Variants in MCTP2 observed in about 807,000 individuals in gnomAD.
MCTP2 encodes multiple C2 and transmembrane domain containing 2.
In MCTP2, 132 loss-of-function variants were observed where a neutral mutation model predicts 111.6. The observed-to-expected ratio is 1.18, with a 90% CI of 1.03 to 1.37. The LOEUF is 1.37. Ranked by LOEUF, MCTP2 falls within the 40% of genes most tolerant of loss-of-function variation. MCTP2 has a pLI of 0.00. For synonymous variants in MCTP2, 395 were observed against 387.7 expected, an observed-to-expected ratio of 1.02 and a Z score of -0.22; for missense variants, 1,183 against 1,067.9, an observed-to-expected ratio of 1.11 and a Z score of -1.50.
chr15:94,281,766 C>A (rs2074499485), intron 1 of MCTP2, among the ~76,000 whole-genome samples: 1 of 152,128 alleles, frequency 6.6e-6, no homozygotes, highest in South Asian at 2.1e-4. Context: ...TAACATATTC[C>A]CCTAGCATTT....
At chr15:94,413,088 G>A (rs1256303749) in intron 17 of MCTP2, among the ~76,000 whole-genome samples, 2 of 152,208 alleles carry the variant, frequency 1.3e-5, no homozygotes, top group Non-Finnish European at 2.9e-5. Context: ...AAAGGAAAAG[G>A]AAAGAAAAAT....
intron 10 of MCTP2, 94 bp from the exon 11 acceptor site, chr15:94,367,509 TGG>T: frequency 1.0e-6 from 1 of 954,960 alleles, no homozygotes; most frequent in Non-Finnish European, 1.6e-6. Context: ...GAGTGAGTTT[TGG>T]GGGATGATGA....
chr15:94,245,496 A>C (rs1322115277), intron 1 of MCTP2, among the ~76,000 whole-genome samples: 1 of 140,716 alleles, frequency 7.1e-6, no homozygotes, highest in Non-Finnish European at 1.5e-5. Flanking sequence ...ACATGTATGT[A>C]TTTATATATG....
intron 4 of MCTP2, among the ~76,000 whole-genome samples, chr15:94,324,656 A>G (rs1366873719): frequency 6.6e-6 from 1 of 152,178 alleles, no homozygotes; most frequent in Non-Finnish European, 1.5e-5. Context: ...CAGATAATGG[A>G]AAAAAATGTG....
At chr15:94,380,446 C>T (rs908091376) in intron 12 of MCTP2, among the ~76,000 whole-genome samples, 2 of 152,088 alleles carry the variant, frequency 1.3e-5, no homozygotes, top group Non-Finnish European at 2.9e-5. Flanking sequence ...GTGCTAGGAA[C>T]ATTTATTAAG....
intron 14 of MCTP2, among the ~76,000 whole-genome samples, chr15:94,398,578 G>C (rs2081395230): frequency 6.6e-6 from 1 of 152,144 alleles, no homozygotes; most frequent in Non-Finnish European, 1.5e-5. Flanking sequence ...TATCTCCTTA[G>C]ACTCTTCTAA....
chr15:94,474,391 C>T (rs1460178723), intron 21 of MCTP2, among the ~76,000 whole-genome samples: 1 of 152,122 alleles, frequency 6.6e-6, no homozygotes, highest in Non-Finnish European at 1.5e-5. Flanking sequence ...TGTGATTCTC[C>T]CATCTACCCA....
intron 12 of MCTP2, among the ~76,000 whole-genome samples, chr15:94,370,485 G>C (rs1467973273): frequency 6.6e-6 from 1 of 152,200 alleles, no homozygotes; most frequent in Non-Finnish European, 1.5e-5. Flanking sequence ...TGTTGGTCAA[G>C]CTTTTCTATG....
At chr15:94,390,184 A>T (rs150207181) in intron 14 of MCTP2, among the ~76,000 whole-genome samples, 2,848 of 149,440 alleles carry the variant, frequency 0.019, 111 homozygotes, top group African/African-American at 0.068. Context: ...CTATCCTTCC[A>T]TATATTTCAT....
intron 14 of MCTP2, among the ~76,000 whole-genome samples, chr15:94,393,239 A>G (rs1169129269): frequency 6.6e-6 from 1 of 152,240 alleles, no homozygotes; most frequent in Non-Finnish European, 1.5e-5. Context: ...AAAGAATCCA[A>G]GACTGTAACA....
chr15:94,405,927 C>A (rs959037412), intron 17 of MCTP2, among the ~76,000 whole-genome samples: 1 of 151,638 alleles, frequency 6.6e-6, no homozygotes, highest in Non-Finnish European at 1.5e-5. Flanking sequence ...CTTGACTTTC[C>A]CATTTGAAAA....
intron 20 of MCTP2, among the ~76,000 whole-genome samples, chr15:94,464,456 CTTCT>C (rs978614547): frequency 5.4e-5 from 8 of 149,406 alleles, no homozygotes; most frequent in Admixed American, 2.0e-4. Context: ...ATATTGTTAT[CTTCT>C]TTCTTCTTGA....
intron 7 of MCTP2, chr15:94,343,328 C>G (rs552371871): frequency 1.3e-5 from 2 of 152,068 alleles, no homozygotes; most frequent in South Asian, 4.1e-4. Context: ...GCACTTGGGA[C>G]TGGAAATCAG....
At chr15:94,270,863 T>C (rs576794886) in intron 1 of MCTP2, among the ~76,000 whole-genome samples, 48 of 152,334 alleles carry the variant, frequency 3.2e-4, no homozygotes, top group African/African-American at 1.1e-3. Context: ...ACAGAAATTA[T>C]TGTCTGTCTC....
intron 20 of MCTP2, among the ~76,000 whole-genome samples, chr15:94,467,273 G>A (rs2073432606): frequency 6.6e-6 from 1 of 152,096 alleles, no homozygotes; most frequent in Non-Finnish European, 1.5e-5. Flanking sequence ...GGTGAAAAAA[G>A]AGTGGGTTTT....
intron 1 of MCTP2, among the ~76,000 whole-genome samples, chr15:94,241,320 T>C (rs76357858): frequency 0.019 from 2,830 of 152,304 alleles, 82 homozygotes; most frequent in African/African-American, 0.064. Context: ...TAATATTCAT[T>C]CCAATAAGAA....
intron 17 of MCTP2, among the ~76,000 whole-genome samples, chr15:94,409,955 A>T (rs535294342): frequency 6.9e-6 from 1 of 143,928 alleles, no homozygotes; most frequent in Non-Finnish European, 1.5e-5. Flanking sequence ...CTCTCTCCAG[A>T]AGCCCTCCTC....
At chr15:94,408,837 C>T (rs2082021434) in intron 17 of MCTP2, among the ~76,000 whole-genome samples, 1 of 152,220 alleles carries the variant, frequency 6.6e-6, no homozygotes. Context: ...AATCATAGCA[C>T]AGCCATATTC....
chr15:94,327,306 A>G (rs1468727220), intron 4 of MCTP2, among the ~76,000 whole-genome samples: 1 of 152,154 alleles, frequency 6.6e-6, no homozygotes, highest in African/African-American at 2.4e-5. Flanking sequence ...CCAAATGGCT[A>G]TCTATCTAAC....
Sources: gnomAD v4.1 joint callset for allele counts (sites outside exome capture counted in the v4.1 genomes callset) on GRCh38, gnomAD v4.1.1 for gene constraint, MANE v1.5 for transcripts, NCBI Gene and HGNC (gene_info 2026-07-23, HGNC 2026-07-21) for gene names.